The following UNC5D variants were observed in gnomAD, a reference collection of about 807,000 sequenced individuals.
UNC5D encodes unc-5 netrin receptor D, also known as netrin receptor UNC5D.
UNC5D carries 39 observed loss-of-function variants against 105.4 expected under a neutral mutation model. The observed-to-expected ratio is 0.37, with a 90% confidence interval of 0.29 to 0.48. The LOEUF (loss-of-function observed/expected upper bound fraction) is 0.48, where lower values mean the gene tolerates loss of function less well. UNC5D is among the 20% of genes least tolerant of loss of function. The pLI is 0.98. For missense variants in UNC5D, 991 were observed against 1,202.4 expected, an observed-to-expected ratio of 0.82 and a Z score of 2.60; for synonymous variants, 452 against 450.4, an observed-to-expected ratio of 1.00 and a Z score of -0.04.
chr8:35,699,125 A>G (rs1826998836), intron 7 of UNC5D, among the ~76,000 whole-genome samples: 1 of 152,170 alleles, frequency 6.6e-6, no homozygotes, highest in Admixed American at 6.5e-5. Flanking sequence ...AAAAACTAAC[A>G]CACATGGAAT....
chr8:35,475,682 T>C (rs1810038784), intron 1 of UNC5D, among the ~76,000 whole-genome samples: 1 of 152,176 alleles, frequency 6.6e-6, no homozygotes, highest in South Asian at 2.1e-4. Flanking sequence ...TTGCATTGTG[T>C]TTTAACAAAG....
chr8:35,306,333 A>C (rs1808418246), intron 1 of UNC5D, among the ~76,000 whole-genome samples: 1 of 152,024 alleles, frequency 6.6e-6, no homozygotes, highest in Non-Finnish European at 1.5e-5. Context: ...GTTTCTCAAG[A>C]TTATCAATTA....
At chr8:35,279,972 A>G (rs901901558) in intron 1 of UNC5D, among the ~76,000 whole-genome samples, 1 of 152,196 alleles carries the variant, frequency 6.6e-6, no homozygotes, top group African/African-American at 2.4e-5. Context: ...TATGAACATT[A>G]TAAAGAACTA....
At chr8:35,608,825 CTT>C (rs1820487758) in intron 4 of UNC5D, among the ~76,000 whole-genome samples, 1 of 151,934 alleles carries the variant, frequency 6.6e-6, no homozygotes, top group Admixed American at 6.6e-5. Context: ...TTGATGGACA[CTT>C]AGATTTGTTT....
intron 1 of UNC5D, among the ~76,000 whole-genome samples, chr8:35,311,846 A>T (rs1808911775): frequency 6.6e-6 from 1 of 152,192 alleles, no homozygotes; most frequent in African/African-American, 2.4e-5. Context: ...TAGGACCTCC[A>T]TGAGAATTAC....
intron 1 of UNC5D, among the ~76,000 whole-genome samples, chr8:35,497,509 G>A (rs1811674257): frequency 6.6e-6 from 1 of 152,178 alleles, no homozygotes; most frequent in South Asian, 2.1e-4. Flanking sequence ...TTGAGGTGTA[G>A]CGCCAGAAGA....
In UNC5D at chr8:35,333,669, G is replaced by A. The variant is rs375576242; in HGVS notation, c.103+97782G>A. ...TAATTTTTGTATTTTTAGTAGAGGCGGGGATTCTCCATGTTGGCCAGGCTG... is the reference window on the plus strand; with the variant it reads ...TAATTTTTGTATTTTTAGTAGAGGCAGGGATTCTCCATGTTGGCCAGGCTG... On this transcript the variant is annotated intron_variant, in intron 1 of 16. Transcript: ENST00000404895. Among the ~76,000 whole-genome samples the A allele has an allele frequency of 1.8e-4, 27 of 152,030 alleles. No homozygotes were observed. The East Asian group carries it at 2.3e-3, about 13-fold the overall frequency.
At chr8:35,510,170 C>T (rs1214944056) in intron 1 of UNC5D, among the ~76,000 whole-genome samples, 3 of 152,010 alleles carry the variant, frequency 2.0e-5, no homozygotes, top group Admixed American at 2.0e-4. Flanking sequence ...TCCCTCTCTC[C>T]TCCCCCTTAC....
chr8:35,342,131 G>GT (rs1356077304), intron 1 of UNC5D, among the ~76,000 whole-genome samples: 2 of 151,940 alleles, frequency 1.3e-5, no homozygotes, highest in Non-Finnish European at 2.9e-5. Context: ...TGTAGAATTC[G>GT]TAGGGCCCAG....
chr8:35,759,188 G>A lies in UNC5D; in HGVS notation c.2164-132G>A, dbSNP rs185591906. The A allele has an allele frequency of 1.6e-5, 15 of 948,654 alleles. 1 individual carries two copies. The African/African-American group carries it at 2.0e-4, about 13-fold the overall frequency. 58.8% of individuals were successfully genotyped at this position (948,654 alleles called of 1,614,324 possible). A position where few individuals can be genotyped will look rare whatever the true frequency, so the allele number is the denominator to read the frequency against. On this transcript the variant is annotated intron_variant, in intron 13 of 16. Transcript: ENST00000404895. ...TTATGGACTATGGAGTTGTAAAGAA[G>A]TATGTTTCTCCTATGCTCTCTGTCC...
chr8:35,358,477 G>A (rs374642103), intron 1 of UNC5D, among the ~76,000 whole-genome samples: 33 of 152,228 alleles, frequency 2.2e-4, no homozygotes, highest in East Asian at 1.9e-3. Flanking sequence ...TACATACTGA[G>A]GCCTGTTTAG....
At chr8:35,624,212 A>G (rs571254172) in intron 4 of UNC5D, among the ~76,000 whole-genome samples, 2 of 152,370 alleles carry the variant, frequency 1.3e-5, no homozygotes, top group South Asian at 4.1e-4. Flanking sequence ...CTTCACTCAC[A>G]TAACACTAAT....
rs527685481 is a variant in UNC5D at position 35,719,435 on chromosome 8, AAAGAAAG to A, written c.1118-2764_1118-2758del. Reference sequence around the variant, plus strand: ...ATCGAAGAGAGAAGGGTAAAAAAGAAAAGAAAGAAGAAAGAAGCACAGTGACCCAACT... The same window carrying A: ...ATCGAAGAGAGAAGGGTAAAAAAGAAAAGAAAGAAGCACAGTGACCCAACT... On this transcript the variant is annotated intron_variant, in intron 8 of 16. Coordinates refer to ENST00000404895, the MANE Select transcript of UNC5D (RefSeq NM_080872.4). 3.9e-3 allele frequency among the ~76,000 whole-genome samples: 589 copies of A among 152,278 alleles called. 4 individuals carry two copies. The highest frequency in any genetic ancestry group is 0.014 in the African/African-American group (564 of 41,554).
chr8:35,722,270 T>C lies in UNC5D; in HGVS notation c.1178T>C (p.Val393Ala). Residue 393 changes from valine (V) to alanine (A), a missense_variant, in exon 9 of 17, where the codon GTT (valine) becomes GCT (alanine). Coordinates refer to ENST00000404895, the MANE Select transcript of UNC5D (RefSeq NM_080872.4). ...YSGLGAAVVA[V>A]AVLVIGVTLY... is the part of the protein sequence containing the mutation. Reference sequence around the variant, plus strand: ...GGCTTGGGTGCTGCCGTCGTGGCCGTTGCAGTCCTGGTCATTGGTGTCACC... The same window carrying C: ...GGCTTGGGTGCTGCCGTCGTGGCCGCTGCAGTCCTGGTCATTGGTGTCACC... 1 of 1,614,182 alleles carries C rather than the reference T, an allele frequency of 6.2e-7. No individual in the cohort carries two copies. The highest frequency in any genetic ancestry group is 8.5e-7 in the Non-Finnish European group (1 of 1,180,022).
chr8:35,264,509 C>T (rs1804706523), intron 1 of UNC5D, among the ~76,000 whole-genome samples: 1 of 152,084 alleles, frequency 6.6e-6, no homozygotes, highest in South Asian at 2.1e-4. Context: ...GGGTGGATCA[C>T]CTGAGGCCAG....
chr8:35,287,095 C>A (rs570349286), intron 1 of UNC5D, among the ~76,000 whole-genome samples: 68 of 152,146 alleles, frequency 4.5e-4, no homozygotes, highest in Non-Finnish European at 8.2e-4. Context: ...GCCAGCCACC[C>A]CTCCAGAATC....
intron 1 of UNC5D, among the ~76,000 whole-genome samples, chr8:35,336,006 G>T (rs112729945): frequency 0.017 from 2,509 of 151,752 alleles, 67 homozygotes; most frequent in African/African-American, 0.056. Flanking sequence ...CTCGTGATCC[G>T]CCTGCATTAG....
chr8:35,582,405 C>A (rs764863523), intron 3 of UNC5D, among the ~76,000 whole-genome samples: 2 of 151,686 alleles, frequency 1.3e-5, no homozygotes, highest in Non-Finnish European at 2.9e-5. Context: ...GATTTGGCTA[C>A]CCAAAAGGTG....
chr8:35,726,877 G>C (rs1828908797), intron 10 of UNC5D: 2 of 278,556 alleles, frequency 7.2e-6, no homozygotes, highest in Non-Finnish European at 1.4e-5. Context: ...TGGCATGACA[G>C]ACCAGGGCCC....
Sources: gnomAD v4.1 joint callset for allele counts (sites outside exome capture counted in the v4.1 genomes callset) on GRCh38, gnomAD v4.1.1 for gene constraint, MANE v1.5 for transcripts, NCBI Gene and HGNC (gene_info 2026-07-23, HGNC 2026-07-21) for gene names.